Variants in KIAA1217 observed in about 807,000 individuals in gnomAD.
The protein encoded by KIAA1217 is sickle tail protein homolog.
KIAA1217 carries 88 observed loss-of-function variants against 163.9 expected under a neutral mutation model. The observed-to-expected ratio is 0.54, with a 90% CI of 0.45 to 0.64. The LOEUF is 0.64. KIAA1217 is among the 30% of genes least tolerant of loss of function. KIAA1217 has a pLI of 0.00. For missense variants in KIAA1217, 2,372 were observed against 2,475.0 expected, an observed-to-expected ratio of 0.96 and a Z score of 0.88; for synonymous variants, 903 against 923.1, an observed-to-expected ratio of 0.98 and a Z score of 0.39.
intron 2 of KIAA1217, among the ~76,000 whole-genome samples, chr10:24,148,694 A>C (rs1387720725): frequency 2.0e-5 from 3 of 152,140 alleles, no homozygotes; most frequent in African/African-American, 7.2e-5. Flanking sequence ...CAGAAGCCTC[A>C]CAGATGCTGG....
rs117834060 is a variant in KIAA1217, at chr10:23,808,035, G to A, written c.-321+112801G>A. ...AACTTGCCATATCTCTGGTGCCATCGGAAAAAGATCACCAAAGCGAAGTTA... is the reference window on the plus strand; with the variant it reads ...AACTTGCCATATCTCTGGTGCCATCAGAAAAAGATCACCAAAGCGAAGTTA... On this transcript the variant is annotated intron_variant, in intron 1 of 18. Transcript: ENST00000376462. Among the ~76,000 whole-genome samples, 485 of 152,304 alleles carry A rather than the reference G, an allele frequency of 3.2e-3. 2 individuals carry two copies. The highest frequency in any genetic ancestry group is 4.8e-3 in the Admixed American group (74 of 15,292).
intron 5 of KIAA1217, among the ~76,000 whole-genome samples, chr10:24,454,351 C>T (rs1440923746): frequency 1.3e-5 from 2 of 152,186 alleles, no homozygotes; most frequent in African/African-American, 2.4e-5. Context: ...CTCAGTTGAT[C>T]GACACATGTA....
At chr10:24,372,047 C>G (rs577209354) in intron 2 of KIAA1217, among the ~76,000 whole-genome samples, 2 of 152,204 alleles carry the variant, frequency 1.3e-5, no homozygotes, top group East Asian at 3.9e-4. Flanking sequence ...ACTGGGGACT[C>G]CTGGAGTGGG....
intron 1 of KIAA1217, among the ~76,000 whole-genome samples, chr10:23,958,354 G>A (rs914123102): frequency 6.6e-6 from 1 of 152,170 alleles, no homozygotes; most frequent in Admixed American, 6.5e-5. Flanking sequence ...AAAAATTGGG[G>A]CAAGCACATA....
intron 14 of KIAA1217, among the ~76,000 whole-genome samples, chr10:24,530,497 T>A (rs576103886): frequency 2.0e-5 from 3 of 152,214 alleles, no homozygotes; most frequent in Non-Finnish European, 4.4e-5. Flanking sequence ...TATTTTTGTT[T>A]ATTAAGGAGG....
At chr10:23,915,024 C>A (rs1007118119) in intron 1 of KIAA1217, among the ~76,000 whole-genome samples, 2 of 151,310 alleles carry the variant, frequency 1.3e-5, no homozygotes, top group South Asian at 2.1e-4. Flanking sequence ...AAATTATAGA[C>A]CCGACCTGTG....
rs1471973856 is a variant in KIAA1217 at position 24,227,412 on chromosome 10, G to T, written c.354+7503G>T. On this transcript the variant is annotated intron_variant, in intron 2 of 20. Coordinates refer to ENST00000376454, the MANE Select transcript of KIAA1217 (RefSeq NM_019590.5). ...GACCTCAGATGGTCCACCTGCCTCG[G>T]CCTCCCAAAGTGTTGGGATTACAGG... Among the ~76,000 whole-genome samples, 4 of 152,066 alleles carry T rather than the reference G, an allele frequency of 2.6e-5. No homozygotes were observed. The East Asian group carries it at 7.7e-4, about 29-fold the overall frequency.
chr10:24,045,398 G>A (rs1848931494), intron 2 of KIAA1217, among the ~76,000 whole-genome samples: 2 of 152,056 alleles, frequency 1.3e-5, no homozygotes, highest in Non-Finnish European at 2.9e-5. Flanking sequence ...TCGGTTCTGA[G>A]TATTCTTTCC....
chr10:23,744,433 G>A lies in KIAA1217; in HGVS notation c.-321+49199G>A, dbSNP rs1447389781. Among the ~76,000 whole-genome samples the A allele has an allele frequency of 3.5e-4, 53 of 152,202 alleles. 1 individual carries two copies. Among genetic ancestry groups the A allele is most frequent in the Admixed American group, 3.5e-3 (53 of 15,276 alleles). Reference sequence around the variant, plus strand: ...AGGACACACTAGGGGAAGGGAAATTGAGGAGGTGTCAGTGGAAGGTGACAA... The same window carrying A: ...AGGACACACTAGGGGAAGGGAAATTAAGGAGGTGTCAGTGGAAGGTGACAA... On this transcript the variant is annotated intron_variant, in intron 1 of 18. Transcript: ENST00000376462.
intron 1 of KIAA1217, among the ~76,000 whole-genome samples, chr10:23,899,109 C>G (rs770340092): frequency 4.6e-5 from 7 of 152,066 alleles, no homozygotes; most frequent in Non-Finnish European, 1.0e-4. Flanking sequence ...TTTGTTTCCT[C>G]TATAATCAAT....
At chr10:24,216,100 A>G (rs374542221) in intron 1 of KIAA1217, among the ~76,000 whole-genome samples, 2 of 152,294 alleles carry the variant, frequency 1.3e-5, no homozygotes, top group African/African-American at 4.8e-5. Context: ...AAGTGCTAGG[A>G]AAAAAACAGG....
chr10:23,814,069 A>G lies in KIAA1217; in HGVS notation c.-321+118835A>G, dbSNP rs79830353. Among the ~76,000 whole-genome samples, 1,369 of 152,326 alleles carry G rather than the reference A, an allele frequency of 9.0e-3. 22 individuals are homozygous for G. Among genetic ancestry groups the G allele is most frequent in the African/African-American group, 0.031 (1,305 of 41,570 alleles). ...CTTCAAAATTCACTTAAAGAGACATAAAACAATTACCAGGTCATTAGCAGT... is the reference window on the plus strand; with the variant it reads ...CTTCAAAATTCACTTAAAGAGACATGAAACAATTACCAGGTCATTAGCAGT... On this transcript the variant is annotated intron_variant, in intron 1 of 18. Coordinates refer to the KIAA1217 transcript ENST00000376462.
rs190371014 is a variant in KIAA1217, at chr10:24,126,135, C to G, written c.-170-93491C>G. On this transcript the variant is annotated intron_variant, in intron 2 of 18. Coordinates refer to the KIAA1217 transcript ENST00000376462. ...TAATGCCAATTTATAATTCTATTCT[C>G]TTTCAGAAATTTATATTAAACGTGT... Among the ~76,000 whole-genome samples, 1,035 of 152,250 alleles carry G rather than the reference C, an allele frequency of 6.8e-3. 6 individuals are homozygous for G. Among genetic ancestry groups the G allele is most frequent in the Middle Eastern group, 0.021 (6 of 292 alleles).
At chr10:23,756,420 C>T (rs893745208) in intron 1 of KIAA1217, among the ~76,000 whole-genome samples, 7 of 152,118 alleles carry the variant, frequency 4.6e-5, no homozygotes, top group South Asian at 4.2e-4. Flanking sequence ...AAAATAACCA[C>T]GACATTCATT....
At chr10:23,784,618 A>C (rs1053942318) in intron 1 of KIAA1217, among the ~76,000 whole-genome samples, 2 of 151,788 alleles carry the variant, frequency 1.3e-5, no homozygotes, top group African/African-American at 4.8e-5. Context: ...TCTTTTGTGC[A>C]TTTAGTATAT....
At chr10:23,997,884 G>A (rs1283928519) in intron 1 of KIAA1217, among the ~76,000 whole-genome samples, 1 of 151,992 alleles carries the variant, frequency 6.6e-6, no homozygotes, top group Non-Finnish European at 1.5e-5. Flanking sequence ...TTGGAAGAAG[G>A]GCACAGCCAT....
chr10:24,020,725 TAGGAAGCC>T (rs573607007), intron 2 of KIAA1217, among the ~76,000 whole-genome samples: 162 of 152,066 alleles, frequency 1.1e-3, no homozygotes, highest in African/African-American at 3.6e-3. Context: ...GGATGATCCC[TAGGAAGCC>T]AGGCTGAAAA....
At chr10:24,034,081 C>A (rs1038946441) in intron 2 of KIAA1217, among the ~76,000 whole-genome samples, 3 of 152,208 alleles carry the variant, frequency 2.0e-5, no homozygotes, top group African/African-American at 7.2e-5. Context: ...AATTCATATG[C>A]ATTCTTACAA....
At chr10:24,133,423 T>G (rs1239639710) in intron 2 of KIAA1217, among the ~76,000 whole-genome samples, 9 of 151,768 alleles carry the variant, frequency 5.9e-5, no homozygotes, top group Admixed American at 5.9e-4. Flanking sequence ...AATACAAAAA[T>G]TAGCCAAGCA....
Sources: gnomAD v4.1 joint callset for allele counts (sites outside exome capture counted in the v4.1 genomes callset) on GRCh38, gnomAD v4.1.1 for gene constraint, MANE v1.5 for transcripts, NCBI Gene and HGNC (gene_info 2026-07-23, HGNC 2026-07-21) for gene names.